The following C10orf67 variants were observed in gnomAD, a reference collection of about 807,000 sequenced individuals.
C10orf67 encodes the protein uncharacterized protein C10orf67, mitochondrial.
C10orf67 carries 60 observed loss-of-function variants against 35.6 expected under a neutral mutation model. The observed-to-expected ratio is 1.68, with a 90% CI of 1.37 to 2.09. The LOEUF is 2.09. C10orf67 is among the 30% of genes most tolerant of loss of function. The pLI, the probability that C10orf67 is intolerant of heterozygous loss-of-function variation, is 0.00. For synonymous variants in C10orf67, 167 were observed against 115.8 expected (o/e 1.44, Z -2.84); for missense variants, 474 against 330.2 (o/e 1.44, Z -3.38).
At chr10:23,324,437 CCT>C (rs952920799) in intron 2 of C10orf67, among the ~76,000 whole-genome samples, 2 of 151,312 alleles carry the variant, frequency 1.3e-5, no homozygotes, top group African/African-American at 2.4e-5. Flanking sequence ...ACTGGTTTCA[CCT>C]CTCTCTCTCT....
intron 5 of C10orf67, among the ~76,000 whole-genome samples, chr10:23,299,802 C>T (rs549643750): frequency 3.9e-5 from 6 of 152,124 alleles, no homozygotes; most frequent in Admixed American, 3.9e-4. Flanking sequence ...ACGGTGAAAC[C>T]CTGTCTCTAC....
intron 13 of C10orf67, among the ~76,000 whole-genome samples, chr10:23,229,505 C>T (rs1841845544): frequency 2.0e-5 from 3 of 151,652 alleles, no homozygotes; most frequent in Non-Finnish European, 4.4e-5. Flanking sequence ...ACGGGTGCAG[C>T]ACATCAACAT....
At chr10:23,237,862 T>C (rs1388427054) in intron 13 of C10orf67, among the ~76,000 whole-genome samples, 3 of 152,202 alleles carry the variant, frequency 2.0e-5, no homozygotes, top group African/African-American at 4.8e-5. Flanking sequence ...ACTTAGATGA[T>C]GGTTACAAAG....
At chr10:23,221,370 C>T (rs1298743862) in intron 15 of C10orf67, among the ~76,000 whole-genome samples, 3 of 152,110 alleles carry the variant, frequency 2.0e-5, no homozygotes, top group African/African-American at 7.2e-5. Context: ...TCCAAATGGA[C>T]GTGAGATTTG....
intron 2 of C10orf67, among the ~76,000 whole-genome samples, chr10:23,323,862 C>T (rs1845055446): frequency 7.9e-6 from 1 of 127,218 alleles, no homozygotes; most frequent in South Asian, 2.6e-4. Context: ...CCACTGCACT[C>T]CAGCCTGGGC....
At chr10:23,227,877 A>G (rs1278770071) in intron 13 of C10orf67, among the ~76,000 whole-genome samples, 1 of 152,188 alleles carries the variant, frequency 6.6e-6, no homozygotes, top group East Asian at 1.9e-4. Flanking sequence ...AATCCAACTT[A>G]CAAGGGATGT....
chr10:23,202,339 T>C (rs1488318195), downstream of C10orf67: 1 of 152,242 alleles, frequency 6.6e-6, no homozygotes, highest in Admixed American at 6.5e-5. Flanking sequence ...ATGCGTCATT[T>C]TTCACCAGGT....
intron 13 of C10orf67, among the ~76,000 whole-genome samples, chr10:23,231,330 T>C (rs1034664636): frequency 3.3e-5 from 5 of 152,204 alleles, no homozygotes; most frequent in African/African-American, 9.7e-5. Flanking sequence ...TAAGGATAAA[T>C]ATTCTTGCCC....
intron 12 of C10orf67, among the ~76,000 whole-genome samples, chr10:23,247,265 A>C (rs1842339400): frequency 6.6e-6 from 1 of 152,122 alleles, no homozygotes; most frequent in Non-Finnish European, 1.5e-5. Flanking sequence ...TCCATGCTCC[A>C]TTCATGGTAA....
At chr10:23,336,257 T>C in intron 1 of C10orf67, among the ~76,000 whole-genome samples, 1 of 152,056 alleles carries the variant, frequency 6.6e-6, no homozygotes, top group East Asian at 1.9e-4. Context: ...TAGAAAGTTC[T>C]CTGAGACAAT....
intron 2 of C10orf67, among the ~76,000 whole-genome samples, chr10:23,331,227 G>GCC (rs1564518973): frequency 2.4e-4 from 1 of 4,226 alleles, no homozygotes. Context: ...GAAGGGAAGG[G>GCC]AGGAGGGAAG....
intron 5 of C10orf67, among the ~76,000 whole-genome samples, chr10:23,301,933 G>C (rs1844089868): frequency 6.6e-6 from 1 of 152,236 alleles, no homozygotes; most frequent in South Asian, 2.1e-4. Context: ...AGCGGCAATG[G>C]GCGCCCCGCT....
At position 23,303,467 on chromosome 10, in the gene C10orf67, C is replaced by A; in HGVS notation, c.547-8G>T. ...TTCTACCTCAAAGAATTGCTAGGGA[C>A]AAAAAAAAGCAGCATTAAAAATTAG... On this transcript the variant is annotated splice_polypyrimidine_tract_variant and splice_region_variant and intron_variant, in intron 4 of 15. Transcript: ENST00000636213. The A allele has an allele frequency of 3.8e-6, 2 of 525,966 alleles. No individual in the cohort carries two copies. The highest frequency in any genetic ancestry group is 6.9e-6 in the Non-Finnish European group (2 of 290,186). 32.6% of individuals were successfully genotyped at this position (525,966 alleles called of 1,614,324 possible). A position where few individuals can be genotyped will look rare whatever the true frequency, so the allele number is the denominator to read the frequency against.
chr10:23,228,360 A>T (rs952305773), intron 13 of C10orf67, among the ~76,000 whole-genome samples: 2 of 152,202 alleles, frequency 1.3e-5, no homozygotes, highest in Non-Finnish European at 2.9e-5. Context: ...TATTTAATAA[A>T]TGGTGCTGGG....
At chr10:23,212,629 TGAGCTAGAC>T in intron 15 of C10orf67, among the ~76,000 whole-genome samples, 1 of 152,278 alleles carries the variant, frequency 6.6e-6, no homozygotes, top group Non-Finnish European at 1.5e-5. Flanking sequence ...GCAGAGGAAC[TGAGCTAGAC>T]CACCTGCTGG....
chr10:23,246,021 T>C (rs1441792489), intron 12 of C10orf67, among the ~76,000 whole-genome samples: 1 of 152,114 alleles, frequency 6.6e-6, no homozygotes, highest in African/African-American at 2.4e-5. Context: ...TGCACAGTCA[T>C]AAAAAGAATG....
intron 12 of C10orf67, among the ~76,000 whole-genome samples, chr10:23,247,920 G>A (rs564106693): frequency 6.6e-6 from 1 of 152,290 alleles, no homozygotes; most frequent in South Asian, 2.1e-4. Flanking sequence ...GTTGAAGTAA[G>A]GAGCAGTGTA....
chr10:23,265,414 C>A (rs1043287819), intron 10 of C10orf67, among the ~76,000 whole-genome samples: 1 of 152,204 alleles, frequency 6.6e-6, no homozygotes, highest in Non-Finnish European at 1.5e-5. Context: ...AATGTGGGAA[C>A]ACGTAGGAAC....
In C10orf67 at chr10:23,320,673, C is replaced by T. The variant is rs1004762076; in HGVS notation, c.546+68G>A. 9.0e-5 allele frequency: 111 copies of T among 1,230,588 alleles called. No individual in the cohort carries two copies. The Middle Eastern group carries it at 9.3e-4, about 10-fold the overall frequency. 76.2% of individuals were successfully genotyped at this position (1,230,588 alleles called of 1,614,324 possible). ...ACAGACTGGGAAGCCAAGGTGATCCCCACTCCTTGCACACAGCAGCTGAAG... is the reference window on the plus strand; with the variant it reads ...ACAGACTGGGAAGCCAAGGTGATCCTCACTCCTTGCACACAGCAGCTGAAG... On this transcript the variant is annotated intron_variant, in intron 4 of 15. Transcript: ENST00000636213.
Sources: allele counts gnomAD v4.1 joint callset (sites outside exome capture counted in the v4.1 genomes callset), GRCh38; gene constraint gnomAD v4.1.1; transcripts MANE v1.5; gene names NCBI Gene and HGNC (gene_info 2026-07-23, HGNC 2026-07-21).